The following KCNIP4 variants were observed in gnomAD, a reference collection of about 807,000 sequenced individuals.
The protein encoded by KCNIP4 is potassium voltage-gated channel interacting protein 4.
In KCNIP4, 12 loss-of-function variants were observed where a neutral mutation model predicts 34.0. The observed-to-expected ratio is 0.35, with a 90% CI of 0.23 to 0.57. KCNIP4 has a LOEUF of 0.57. KCNIP4 is among the 20% of genes least tolerant of loss of function. The pLI, the probability that KCNIP4 is intolerant of heterozygous loss-of-function variation, is 0.83. For missense variants in KCNIP4, 238 were observed against 311.7 expected (o/e 0.76, Z 1.78); for synonymous variants, 124 against 102.2 (o/e 1.21, Z -1.29).
chr4:20,750,711 C>T (rs73240297), intron 4 of KCNIP4, among the ~76,000 whole-genome samples: 2,573 of 152,174 alleles, frequency 0.017, 35 homozygotes, highest in Non-Finnish European at 0.027. Context: ...CTTTGCTTGA[C>T]CCTTGATAAA....
chr4:21,791,845 T>A (rs1720301650), intron 1 of KCNIP4, among the ~76,000 whole-genome samples: 1 of 151,540 alleles, frequency 6.6e-6, no homozygotes, highest in Non-Finnish European at 1.5e-5. Context: ...CTACTAAAAA[T>A]ACAAAAATTA....
In KCNIP4 at chr4:21,134,811, T is replaced by A. The variant is rs113994218; in HGVS notation, c.62-252102A>T. Reference sequence around the variant, plus strand: ...CATGAATCTTTAACTGTCTTTTACCTTAGAAAGCCATATTGTGAGTCAACA... The same window carrying A: ...CATGAATCTTTAACTGTCTTTTACCATAGAAAGCCATATTGTGAGTCAACA... On this transcript the variant is annotated intron_variant, in intron 1 of 8. Transcript: ENST00000382152. Among the ~76,000 whole-genome samples the A allele has an allele frequency of 7.0e-3, 1,062 of 152,336 alleles. 15 individuals carry two copies. Among genetic ancestry groups the A allele is most frequent in the African/African-American group, 0.024 (1,005 of 41,578 alleles).
intron 1 of KCNIP4, among the ~76,000 whole-genome samples, chr4:21,205,649 ATCTC>A (rs1444998452): frequency 6.6e-6 from 1 of 152,242 alleles, no homozygotes; most frequent in Non-Finnish European, 1.5e-5. Flanking sequence ...CCTTTGTTAT[ATCTC>A]TCTAACTAGT....
At chr4:21,635,677 T>A (rs1310394963) in intron 1 of KCNIP4, among the ~76,000 whole-genome samples, 1 of 152,128 alleles carries the variant, frequency 6.6e-6, no homozygotes, top group Non-Finnish European at 1.5e-5. Flanking sequence ...AGGAACACTT[T>A]TACACTGTTC....
chr4:21,528,730 A>G lies in KCNIP4; in HGVS notation c.61+419841T>C, dbSNP rs558210800. Among the ~76,000 whole-genome samples, 6 of 2,708 alleles carry G rather than the reference A, an allele frequency of 2.2e-3. No individual in the cohort carries two copies. The East Asian group carries it at 0.077, about 35-fold the overall frequency. 1.8% of individuals were successfully genotyped at this position (2,708 alleles called of 152,430 possible). ...AAGAAAGAAAGAAAGAAAGAAAGAA[A>G]GAAAGAAAGAAAGAAAGAAAGAAAG... On this transcript the variant is annotated intron_variant, in intron 1 of 8. Transcript: ENST00000382152.
At chr4:21,738,141 AAT>A (rs1716138613) in intron 1 of KCNIP4, among the ~76,000 whole-genome samples, 1 of 146,884 alleles carries the variant, frequency 6.8e-6, no homozygotes, top group Non-Finnish European at 1.5e-5. Context: ...ATAAATAATA[AAT>A]AAAAGGCTTA....
chr4:21,625,865 A>G (rs1745284253), intron 1 of KCNIP4, among the ~76,000 whole-genome samples: 1 of 152,192 alleles, frequency 6.6e-6, no homozygotes, highest in Non-Finnish European at 1.5e-5. Context: ...TGGAGTGATC[A>G]TAGCTGTCTG....
At chr4:21,295,497 G>A (rs1424322944) in intron 1 of KCNIP4, among the ~76,000 whole-genome samples, 1 of 151,988 alleles carries the variant, frequency 6.6e-6, no homozygotes, top group Non-Finnish European at 1.5e-5. Context: ...TCCCTCCATT[G>A]CTCCTCCCAT....
intron 1 of KCNIP4, among the ~76,000 whole-genome samples, chr4:21,337,388 C>T (rs1716282878): frequency 6.6e-6 from 1 of 152,100 alleles, no homozygotes; most frequent in African/African-American, 2.4e-5. Flanking sequence ...GCTGATTCTA[C>T]AGTCACTTCT....
At chr4:20,866,467 A>AT (rs1722892061) in intron 2 of KCNIP4, among the ~76,000 whole-genome samples, 1 of 152,042 alleles carries the variant, frequency 6.6e-6, no homozygotes, top group East Asian at 1.9e-4. Context: ...TCCTTTTATG[A>AT]TAAAAACCCT....
chr4:20,838,374 G>T (rs1316886748), intron 3 of KCNIP4, among the ~76,000 whole-genome samples: 1 of 152,138 alleles, frequency 6.6e-6, no homozygotes, highest in African/African-American at 2.4e-5. Context: ...AACTTTTTAG[G>T]AATATTAACC....
At chr4:20,787,579 T>A (rs1427527303) in intron 3 of KCNIP4, among the ~76,000 whole-genome samples, 1 of 152,124 alleles carries the variant, frequency 6.6e-6, no homozygotes, top group African/African-American at 2.4e-5. Context: ...ATATGAATAT[T>A]TTTAAGTGCA....
At chr4:21,639,480 T>C (rs2109228753) in intron 1 of KCNIP4, among the ~76,000 whole-genome samples, 1 of 152,342 alleles carries the variant, frequency 6.6e-6, no homozygotes, top group African/African-American at 2.4e-5. Flanking sequence ...CTCCATCAAA[T>C]GTCTTTTATA....
chr4:21,926,625 G>A lies in KCNIP4; in HGVS notation c.61+21946C>T, dbSNP rs893174270. Among the ~76,000 whole-genome samples, 3 of 152,202 alleles carry A rather than the reference G, an allele frequency of 2.0e-5. No individual in the cohort carries two copies. In the East Asian group the frequency reaches 5.8e-4, roughly 29 times the overall value. ...CCAATGAGAAAATGAGACTCAGGAA[G>A]AACAAATCAAGCAATCTGTCTTCCT... is the stretch of plus-strand genomic sequence containing the variant. On this transcript the variant is annotated intron_variant, in intron 1 of 8. Coordinates refer to ENST00000382152, the MANE Select transcript of KCNIP4 (RefSeq NM_025221.6).
chr4:21,321,966 AAG>A (rs1309309824), intron 1 of KCNIP4, among the ~76,000 whole-genome samples: 1 of 139,684 alleles, frequency 7.2e-6, no homozygotes, highest in Non-Finnish European at 1.6e-5. Flanking sequence ...AAAGGAGGGA[AAG>A]AGAAATGGTG....
At chr4:21,616,061 T>C (rs1744576493) in intron 1 of KCNIP4, among the ~76,000 whole-genome samples, 1 of 152,138 alleles carries the variant, frequency 6.6e-6, no homozygotes, top group African/African-American at 2.4e-5. Context: ...CCTATTTCTT[T>C]GAGCAAAAAA....
intron 1 of KCNIP4, among the ~76,000 whole-genome samples, chr4:21,796,561 C>T (rs183342517): frequency 3.9e-4 from 60 of 152,308 alleles, no homozygotes; most frequent in Middle Eastern, 3.4e-3. Context: ...ACTTGAGAAA[C>T]GTACCCTTAA....
chr4:20,952,245 T>C (rs542408084), intron 1 of KCNIP4, among the ~76,000 whole-genome samples: 139 of 152,216 alleles, frequency 9.1e-4, no homozygotes, highest in African/African-American at 3.3e-3. Context: ...TTTCTCAAAA[T>C]GATGGTGACT....
chr4:21,120,706 G>A (rs1424409388), intron 1 of KCNIP4, among the ~76,000 whole-genome samples: 2 of 152,046 alleles, frequency 1.3e-5, no homozygotes, highest in Non-Finnish European at 2.9e-5. Context: ...CAATCCAATC[G>A]CTTCCCACCA....
Sources: gnomAD v4.1 joint callset for allele counts (sites outside exome capture counted in the v4.1 genomes callset) on GRCh38, gnomAD v4.1.1 for gene constraint, MANE v1.5 for transcripts, NCBI Gene and HGNC (gene_info 2026-07-23, HGNC 2026-07-21) for gene names.